The following TCF25 variants were observed in gnomAD, a reference collection of about 807,000 sequenced individuals.
TCF25 encodes the protein TCF25 ribosome quality control complex subunit, also known as ribosome quality control complex subunit TCF25.
A neutral mutation model predicts 83.1 loss-of-function variants in TCF25; 41 were observed. That is an observed-to-expected ratio of 0.49 (90% CI 0.38 to 0.64). The LOEUF (loss-of-function observed/expected upper bound fraction) is 0.64. TCF25 is among the 30% of genes least tolerant of loss of function. The probability of loss-of-function intolerance (pLI) is 0.00; values close to 1 mark genes in which losing one functional copy is unlikely to be tolerated. For synonymous variants in TCF25, 458 were observed against 365.0 expected, an observed-to-expected ratio of 1.25 and a Z score of -2.90; for missense variants, 979 against 914.5, an observed-to-expected ratio of 1.07 and a Z score of -0.91.
At position 89,878,690 on chromosome 16, in the gene TCF25, G is replaced by A. The variant is rs186500156; in HGVS notation, c.193-4661G>A. The A allele has an allele frequency of 2.9e-4, 298 of 1,034,708 alleles. 1 individual carries two copies. The African/African-American group carries it at 4.9e-3, about 17-fold the overall frequency. 64.1% of individuals were successfully genotyped at this position (1,034,708 alleles called of 1,614,324 possible). ...GAGTCTTGCGCTGTCGCCCAGGCTG[G>A]AGTGCAGTGGCACCATCTCAGCTCA... On this transcript the variant is annotated intron_variant, in intron 1 of 17. Transcript: ENST00000263346.
intron 1 of TCF25, among the ~76,000 whole-genome samples, chr16:89,877,751 G>A (rs1389402972): frequency 1.3e-5 from 2 of 152,082 alleles, no homozygotes; most frequent in African/African-American, 4.8e-5. Context: ...GACTGATGGA[G>A]GGAAAAAGGG....
chr16:89,898,866 G>A lies in TCF25; in HGVS notation c.1215G>A (p.Glu405=). ...AGTACCTGATCCGCCTCTTCCAGGA[G>A]TGGGAGGTGGGTGCGAGCCTGGTGA... ...NYEYLIRLFQ[E]WEAHRNLSQL... The change falls in exon 11 of 18, where the codon GAG becomes GAA. Residue 405 remains glutamate (E), a synonymous_variant. Coordinates refer to ENST00000263346, the MANE Select transcript of TCF25 (RefSeq NM_014972.3). 6 of 1,613,768 alleles carry A rather than the reference G, an allele frequency of 3.7e-6. No homozygotes were observed. Among genetic ancestry groups the A allele is most frequent in the Non-Finnish European group, 5.1e-6 (6 of 1,180,032 alleles).
chr16:89,891,536 T>C (rs2043427031), intron 5 of TCF25, among the ~76,000 whole-genome samples: 3 of 152,202 alleles, frequency 2.0e-5, no homozygotes, highest in Admixed American at 2.0e-4. Flanking sequence ...GCCTGTGTGC[T>C]CAGGCAGAGT....
At chr16:89,901,230 C>T (rs2044296905) in intron 12 of TCF25, among the ~76,000 whole-genome samples, 1 of 152,258 alleles carries the variant, frequency 6.6e-6, no homozygotes, top group Non-Finnish European at 1.5e-5. Context: ...ACAGCCGTGA[C>T]CCCTGACTGC....
chr16:89,911,000 C>G, intron 17 of TCF25, 80 bp from the exon 18 acceptor site: 1 of 1,576,534 alleles, frequency 6.3e-7, no homozygotes, highest in South Asian at 1.1e-5. Flanking sequence ...CCTCGGGCTC[C>G]ACAGTGCCTC....
At chr16:89,902,650 C>T (rs1401458366) in intron 12 of TCF25, among the ~76,000 whole-genome samples, 6 of 145,680 alleles carry the variant, frequency 4.1e-5, no homozygotes, top group Non-Finnish European at 6.1e-5. Flanking sequence ...GATCGCGCCA[C>T]TGCACTCCAG....
At chr16:89,879,943 C>T (rs1477361797) in intron 1 of TCF25, among the ~76,000 whole-genome samples, 1 of 151,568 alleles carries the variant, frequency 6.6e-6, no homozygotes, top group Non-Finnish European at 1.5e-5. Context: ...CTGGGCCTAT[C>T]ATGTGTGCTG....
At chr16:89,893,975 G>A in intron 7 of TCF25, 117 bp downstream of exon 7, 6 of 1,454,020 alleles carry the variant, frequency 4.1e-6, no homozygotes, top group Non-Finnish European at 5.5e-6. Flanking sequence ...TTCCCAACAG[G>A]AAGGGTGCCA....
intron 1 of TCF25, among the ~76,000 whole-genome samples, chr16:89,880,278 G>T (rs937126740): frequency 6.6e-6 from 1 of 152,200 alleles, no homozygotes; most frequent in African/African-American, 2.4e-5. Flanking sequence ...GTCAGCATGA[G>T]TTAATAAAAG....
At chr16:89,875,513 G>GGTT (rs2042113357) in intron 1 of TCF25, among the ~76,000 whole-genome samples, 1 of 65,952 alleles carries the variant, frequency 1.5e-5, no homozygotes, top group Non-Finnish European at 2.6e-5. Context: ...CCTGACGTGA[G>GGTT]TTTTTTTTTT....
At chr16:89,888,731 C>T (rs1229433278) in intron 5 of TCF25, among the ~76,000 whole-genome samples, 2 of 147,480 alleles carry the variant, frequency 1.4e-5, no homozygotes, top group African/African-American at 5.0e-5. Context: ...GGCTGGAATG[C>T]AGTGGTGTGA....
chr16:89,907,330 C>G lies in TCF25; in HGVS notation c.1799+8C>G. On this transcript the variant is annotated splice_region_variant and intron_variant, in intron 16 of 17. Transcript: ENST00000263346. ...CTACGTCAGGCCAGAGAGGTACCTC[C>G]CTCCTTCCAGTTCCCACCTCCCAGC... 6.2e-7 allele frequency: 1 copy of G among 1,607,192 alleles called. No homozygotes were observed. The highest frequency in any genetic ancestry group is 8.5e-7 in the Non-Finnish European group (1 of 1,175,256).
rs773046687 is a variant in TCF25, at chr16:89,904,677, G to A, written c.1470-261G>A. On this transcript the variant is annotated intron_variant, in intron 13 of 17. Transcript: ENST00000263346. ...GGGCTCGCCCTGTGTGCACGCAGAT[G>A]GACCCGCCCTGGGTGCATTTTCACA... The A allele has an allele frequency of 5.0e-6, 3 of 601,966 alleles. No individual in the cohort carries two copies. In the Admixed American group the frequency reaches 7.1e-5, roughly 14 times the overall value. 37.3% of individuals were successfully genotyped at this position (601,966 alleles called of 1,614,324 possible).
chr16:89,894,517 T>G (rs1320147864), intron 7 of TCF25, among the ~76,000 whole-genome samples: 1 of 152,210 alleles, frequency 6.6e-6, no homozygotes, highest in African/African-American at 2.4e-5. Flanking sequence ...TTCTTGGGGC[T>G]TAGTGGGGAG....
intron 1 of TCF25, among the ~76,000 whole-genome samples, chr16:89,880,113 T>C (rs995419020): frequency 1.3e-5 from 2 of 151,180 alleles, no homozygotes; most frequent in Non-Finnish European, 3.0e-5. Flanking sequence ...GGGCCTATCA[T>C]GTGTGCTGTC....
chr16:89,898,977 C>T (rs2044107865), intron 11 of TCF25, 105 bp downstream of exon 11: 14 of 1,104,264 alleles, frequency 1.3e-5, no homozygotes, highest in South Asian at 1.2e-4. Flanking sequence ...GGGGATGAAA[C>T]GATAATCGTC....
intron 16 of TCF25, among the ~76,000 whole-genome samples, chr16:89,908,493 C>T (rs2045197552): frequency 7.7e-6 from 1 of 130,242 alleles, no homozygotes; most frequent in South Asian, 2.6e-4. Context: ...CCACCTCTTT[C>T]CTCGCAGTTC....
intron 7 of TCF25, among the ~76,000 whole-genome samples, chr16:89,894,490 C>T (rs1248413357): frequency 6.6e-6 from 1 of 152,250 alleles, no homozygotes; most frequent in African/African-American, 2.4e-5. Context: ...AAGCAGGCTG[C>T]TGCTTTCCAT....
intron 16 of TCF25, chr16:89,909,558 G>A (rs111598456): frequency 0.039 from 6,163 of 157,996 alleles, 472 homozygotes; most frequent in African/African-American, 0.15. Flanking sequence ...TGTGCCTGTA[G>A]TCCCAGCTAC....
Sources: allele counts gnomAD v4.1 joint callset (sites outside exome capture counted in the v4.1 genomes callset), GRCh38; gene constraint gnomAD v4.1.1; transcripts MANE v1.5; gene names NCBI Gene and HGNC (gene_info 2026-07-23, HGNC 2026-07-21).